RUBCN: variants seen among roughly 807,000 people sequenced by gnomAD.
RUBCN encodes the protein rubicon autophagy regulator.
In RUBCN, 74 loss-of-function variants were observed where a neutral mutation model predicts 113.2. The ratio of observed to expected loss-of-function variants is 0.65; its 90% CI spans 0.54 to 0.79. The LOEUF (loss-of-function observed/expected upper bound fraction) is 0.79. Ranked by LOEUF, RUBCN falls within the 30% of genes least tolerant of loss-of-function variation. The pLI, the probability that RUBCN is intolerant of heterozygous loss-of-function variation, is 0.00. For synonymous variants in RUBCN, 480 were observed against 490.0 expected, an observed-to-expected ratio of 0.98 and a Z score of 0.27; for missense variants, 1,109 against 1,251.7, an observed-to-expected ratio of 0.89 and a Z score of 1.72.
intron 11 of RUBCN, among the ~76,000 whole-genome samples, 156 bp downstream of exon 11, chr3:197,693,559 T>C (rs1326484722): frequency 6.6e-6 from 1 of 152,186 alleles, no homozygotes; most frequent in Non-Finnish European, 1.5e-5. Flanking sequence ...ACTGAAACTG[T>C]GAAGGGGTTT....
In RUBCN at chr3:197,695,856, G is replaced by A. The variant is rs199874654; in HGVS notation, c.1473+10C>T. On this transcript the variant is annotated intron_variant, in intron 9 of 19. Coordinates refer to ENST00000296343, the MANE Select transcript of RUBCN (RefSeq NM_014687.4). ...CTCATGAGCTCTTCATGAGGCCCTCGATTTCCCACCTTTTCCAGGTCGGCA... is the reference window on the plus strand; with the variant it reads ...CTCATGAGCTCTTCATGAGGCCCTCAATTTCCCACCTTTTCCAGGTCGGCA... The A allele has an allele frequency of 9.3e-6, 15 of 1,613,198 alleles. No homozygotes were observed. Among genetic ancestry groups the A allele is most frequent in the East Asian group, 4.5e-5 (2 of 44,870 alleles).
chr3:197,686,916 G>T (rs1721920229), intron 11 of RUBCN, among the ~76,000 whole-genome samples: 1 of 152,048 alleles, frequency 6.6e-6, no homozygotes, highest in Admixed American at 6.5e-5. Context: ...ATTACTGACT[G>T]AAAAAAGTTT....
chr3:197,696,938 C>A lies in RUBCN; in HGVS notation c.1357+16G>T, dbSNP rs751544255. 3 of 1,412,004 alleles carry A rather than the reference C, an allele frequency of 2.1e-6. No individual in the cohort carries two copies. In the African/African-American group the frequency reaches 4.2e-5, roughly 20 times the overall value. The allele number at this position is 1,412,004 out of a possible 1,614,324, so 87.5% of individuals were successfully genotyped here. A position where few individuals can be genotyped will look rare whatever the true frequency, so the allele number is the denominator to read the frequency against. On this transcript the variant is annotated intron_variant, in intron 8 of 19. Coordinates refer to ENST00000296343, the MANE Select transcript of RUBCN (RefSeq NM_014687.4). ...AGAAAATATACAATTTTAGCCCTGG[C>A]CTTCCTAGTACTCACCATATTCCAT...
intron 2 of RUBCN, among the ~76,000 whole-genome samples, chr3:197,712,070 T>C (rs748129897): frequency 6.6e-6 from 1 of 152,168 alleles, no homozygotes; most frequent in Non-Finnish European, 1.5e-5. Context: ...TTTTTCATTA[T>C]TGATTTTTTT....
upstream of RUBCN, among the ~76,000 whole-genome samples, chr3:197,739,141 A>C (rs1259267115): frequency 6.6e-6 from 1 of 151,470 alleles, no homozygotes; most frequent in Non-Finnish European, 1.5e-5. Flanking sequence ...AGGTTTCTCC[A>C]TGTTGGTCAG....
chr3:197,702,338 GTA>G (rs1723771764), intron 5 of RUBCN, among the ~76,000 whole-genome samples: 2 of 152,188 alleles, frequency 1.3e-5, no homozygotes, highest in Non-Finnish European at 2.9e-5. Flanking sequence ...CACATACAAA[GTA>G]TTAAATGGAT....
intron 1 of RUBCN, among the ~76,000 whole-genome samples, chr3:197,747,284 A>G (rs1247387037): frequency 1.3e-5 from 2 of 152,064 alleles, no homozygotes; most frequent in Non-Finnish European, 2.9e-5. Context: ...AGTCTGAAAC[A>G]CAACAGCTAG....
intron 8 of RUBCN, among the ~76,000 whole-genome samples, chr3:197,696,448 A>G (rs573528713): frequency 6.6e-6 from 1 of 152,292 alleles, no homozygotes; most frequent in Non-Finnish European, 1.5e-5. Context: ...TTGGTTGGAA[A>G]ACGGTAGAAT....
rs567512545 is a variant in RUBCN, at chr3:197,681,690, C to G, written c.2191+145G>C. ...TCATTTCCCTCCGATTGCCAGCACTCTTGCCTACTACGAACCTTTCTTTCT... is the reference window on the plus strand; with the variant it reads ...TCATTTCCCTCCGATTGCCAGCACTGTTGCCTACTACGAACCTTTCTTTCT... On this transcript the variant is annotated intron_variant, in intron 15 of 19. Transcript: ENST00000296343. The surrounding 1 kb of genome is among the most constrained non-coding windows in gnomAD (Gnocchi z 5.5). 2.1e-5 allele frequency: 16 copies of G among 749,880 alleles called. No individual in the cohort carries two copies. Among genetic ancestry groups the G allele is most frequent in the Middle Eastern group, 3.4e-4 (1 of 2,948 alleles). 46.5% of individuals were successfully genotyped at this position (749,880 alleles called of 1,614,324 possible).
rs1052415632 is a variant in RUBCN at position 197,720,446 on chromosome 3, C to T, written c.66-2316G>A. 1.1e-4 allele frequency among the ~76,000 whole-genome samples: 16 copies of T among 151,980 alleles called. No homozygotes were observed. The East Asian group carries it at 1.4e-3, about 13-fold the overall frequency. Reference sequence around the variant, plus strand: ...TTTTTAAGACAGACTCTCACTCTGTCGCCCAGGCTGGAGTGCAGTGGCATA... The same window carrying T: ...TTTTTAAGACAGACTCTCACTCTGTTGCCCAGGCTGGAGTGCAGTGGCATA... On this transcript the variant is annotated intron_variant, in intron 1 of 19. Transcript: ENST00000296343.
upstream of RUBCN, chr3:197,736,938 G>A (rs1020288679): frequency 7.5e-7 from 1 of 1,339,774 alleles, no homozygotes; most frequent in East Asian, 3.2e-5. Flanking sequence ...ACAGCCCCCG[G>A]CGAGCACTCC....
At position 197,675,195 on chromosome 3, in the gene RUBCN, C is replaced by T; in HGVS notation, c.2742G>A (p.Glu914=). The change falls in exon 20 of 20, where the codon GAG becomes GAA. Residue 914 remains glutamate, a splice_region_variant and synonymous_variant. Coordinates refer to ENST00000296343, the MANE Select transcript of RUBCN (RefSeq NM_014687.4). This position sits in a 1 kb window ranked among gnomAD's most constrained non-coding sequence, Gnocchi z 4.4. ...FELHKCRTCE[E]CKACYHKACF... The stretch of plus-strand genomic sequence containing the variant: ...AGGCTTTATGGTAACACGCTTTACA[C>T]TCTACTCAGGTTGGGAAGGTGGGGG... 6.2e-7 allele frequency: 1 copy of T among 1,614,118 alleles called. No homozygotes were observed. The highest frequency in any genetic ancestry group is 8.5e-7 in the Non-Finnish European group (1 of 1,180,042).
chr3:197,696,879 A>C (rs994163221), intron 8 of RUBCN, 75 bp downstream of exon 8: 37 of 834,520 alleles, frequency 4.4e-5, no homozygotes, highest in Middle Eastern at 2.2e-4. Context: ...TGAACCCCAA[A>C]ACTCAGAACT....
At chr3:197,722,481 G>C (rs959977270) in intron 1 of RUBCN, among the ~76,000 whole-genome samples, 2 of 151,838 alleles carry the variant, frequency 1.3e-5, no homozygotes, top group Non-Finnish European at 2.9e-5. Context: ...CTGTCTGCAT[G>C]ATCTGTCCAT....
At chr3:197,702,973 G>A (rs550796479) in intron 5 of RUBCN, among the ~76,000 whole-genome samples, 1 of 152,086 alleles carries the variant, frequency 6.6e-6, no homozygotes, top group Admixed American at 6.6e-5. Flanking sequence ...GGTATCCTTT[G>A]TCAAAAGATA....
At chr3:197,715,475 G>C (rs1236351902) in intron 2 of RUBCN, among the ~76,000 whole-genome samples, 2 of 152,072 alleles carry the variant, frequency 1.3e-5, no homozygotes, top group Admixed American at 1.3e-4. Context: ...TAGGATGCTA[G>C]GAGGAAAATT....
rs766052198 is a variant in RUBCN at position 197,694,419 on chromosome 3, C to T, written c.1640G>A (p.Arg547His). The change falls in exon 10 of 20, where the codon CGC becomes CAC. Residue 547 changes from arginine (R) to histidine (H), a missense_variant. By Grantham distance (29) the Arg-to-His change is conservative. Coordinates refer to ENST00000296343, the MANE Select transcript of RUBCN (RefSeq NM_014687.4). ...GTACATGGGGAGCAGGTTCTTGGTG[C>T]GGATTTGCTGGCGCCGAAGGCGGAT... Reference protein sequence around the residue: ...QKIRLRRQQIRTKNLLPMYQE... With the variant: ...QKIRLRRQQIHTKNLLPMYQE... The T allele has an allele frequency of 1.2e-5, 19 of 1,614,072 alleles. No homozygotes were observed. The highest frequency in any genetic ancestry group is 6.7e-5 in the Admixed American group (4 of 60,002).
At chr3:197,717,431 G>C (rs1336895053) in intron 2 of RUBCN, among the ~76,000 whole-genome samples, 1 of 149,350 alleles carries the variant, frequency 6.7e-6, no homozygotes, top group Admixed American at 6.7e-5. Context: ...GTGACAGAGC[G>C]AGACTCCGTC....
Position 197,701,158 on chromosome 3 carries a change from A to C in RUBCN, c.728-12T>G. On this transcript the variant is annotated splice_polypyrimidine_tract_variant and intron_variant, in intron 6 of 19. Coordinates refer to ENST00000296343, the MANE Select transcript of RUBCN (RefSeq NM_014687.4). ...AGTAGATCTTCTCTCTAGAATATAA[A>C]AGGAAATGGTAAGGGGAGCAAGGGT... 3 of 1,517,948 alleles carry C rather than the reference A, an allele frequency of 2.0e-6. No individual in the cohort carries two copies. Among genetic ancestry groups the C allele is most frequent in the Non-Finnish European group, 2.6e-6 (3 of 1,136,902 alleles). The allele number at this position is 1,517,948 out of a possible 1,614,324, so 94.0% of individuals were successfully genotyped here.
Sources: allele counts gnomAD v4.1 joint callset (sites outside exome capture counted in the v4.1 genomes callset), GRCh38; gene constraint gnomAD v4.1.1; non-coding constraint Gnocchi (gnomAD v3.1); transcripts MANE v1.5; gene names NCBI Gene and HGNC (gene_info 2026-07-23, HGNC 2026-07-21).